DISC1: variants seen among roughly 807,000 people sequenced by gnomAD.
The protein encoded by DISC1 is disrupted in schizophrenia 1 protein.
In DISC1, 57 loss-of-function variants were observed where a neutral mutation model predicts 84.5. That is an observed-to-expected ratio of 0.67 (90% CI 0.55 to 0.84). The LOEUF (loss-of-function observed/expected upper bound fraction) is 0.84, where lower values mean the gene tolerates loss of function less well. Among genes scored for constraint, DISC1 ranks in the 40% least tolerant of loss-of-function variants. The pLI is 0.00. For missense variants in DISC1, 1,000 were observed against 1,057.8 expected (o/e 0.95, Z 0.76); for synonymous variants, 411 against 415.2 (o/e 0.99, Z 0.12).
chr1:231,978,201 C>T (rs747928847), intron 10 of DISC1, among the ~76,000 whole-genome samples: 5 of 152,100 alleles, frequency 3.3e-5, no homozygotes, highest in Admixed American at 6.5e-5. Flanking sequence ...TTGTACCACA[C>T]GGGGAAGCCA....
chr1:231,931,015 CTTCTG>C (rs966397084), intron 9 of DISC1, among the ~76,000 whole-genome samples: 3 of 152,206 alleles, frequency 2.0e-5, no homozygotes, highest in African/African-American at 7.2e-5. Context: ...TGGGCATGTC[CTTCTG>C]TTCTAGTCAT....
In DISC1 at chr1:231,847,240, GT is replaced by G. The variant is rs2083515751; in HGVS notation, c.1981+28724del. 3.3e-5 allele frequency among the ~76,000 whole-genome samples: 5 copies of G among 152,094 alleles called. No individual in the cohort carries two copies. In the South Asian group the frequency reaches 1.0e-3, roughly 32 times the overall value. On this transcript the variant is annotated intron_variant, in intron 9 of 12. Transcript: ENST00000439617. ...TGGCCTTCCCTTTGTGTGTGTCTGT[GT>G]CCTCATCTCCTCTCCTCATAGGGAT...
At chr1:231,691,731 C>A (rs1214166983) in intron 1 of DISC1, among the ~76,000 whole-genome samples, 1 of 152,192 alleles carries the variant, frequency 6.6e-6, no homozygotes, top group African/African-American at 2.4e-5. Flanking sequence ...TTTTCGGATT[C>A]TTTGCTCTCT....
chr1:231,917,393 C>A (rs2089710425), intron 9 of DISC1, among the ~76,000 whole-genome samples: 1 of 152,170 alleles, frequency 6.6e-6, no homozygotes, highest in Non-Finnish European at 1.5e-5. Context: ...TTGCCTTATG[C>A]CTTGAATAAT....
chr1:231,985,740 G>A (rs1171509716), intron 10 of DISC1, among the ~76,000 whole-genome samples: 1 of 152,076 alleles, frequency 6.6e-6, no homozygotes, highest in East Asian at 1.9e-4. Flanking sequence ...AAGTGTTTCT[G>A]TATTTTCACA....
Position 231,787,053 on chromosome 1 carries a change from G to T in DISC1, c.1635-8189G>T, listed in dbSNP as rs910967972. ...AGGCGTTCTTTTGCCTGGATCTAAA[G>T]CAAGTATTGGAAGTATTACTAAGAG... On this transcript the variant is annotated intron_variant, in intron 6 of 12. Transcript: ENST00000439617. 7.2e-5 allele frequency among the ~76,000 whole-genome samples: 11 copies of T among 152,292 alleles called. No individual in the cohort carries two copies. In the South Asian group the frequency reaches 1.2e-3, roughly 17 times the overall value.
intron 3 of DISC1, among the ~76,000 whole-genome samples, chr1:231,716,586 A>T (rs535015880): frequency 5.3e-5 from 8 of 152,192 alleles, no homozygotes; most frequent in Admixed American, 4.6e-4. Flanking sequence ...TTAAGAGTGG[A>T]AGGAAAAAAA....
At chr1:231,841,540 T>C (rs1343653283) in intron 9 of DISC1, among the ~76,000 whole-genome samples, 1 of 152,244 alleles carries the variant, frequency 6.6e-6, no homozygotes, top group African/African-American at 2.4e-5. Context: ...CTTTTACAAA[T>C]GTGCAAATGT....
At chr1:231,702,482 C>T (rs1225136445) in intron 3 of DISC1, 1 of 987,126 alleles carries the variant, frequency 1.0e-6, no homozygotes, top group South Asian at 4.7e-5. Context: ...TTTCCAGAAC[C>T]AGAGATAGGA....
intron 1 of DISC1, among the ~76,000 whole-genome samples, chr1:231,692,839 A>G (rs1293248489): frequency 6.6e-6 from 1 of 152,216 alleles, no homozygotes; most frequent in Non-Finnish European, 1.5e-5. Context: ...GGAAAGCTAT[A>G]GTTTCGGGTC....
intron 9 of DISC1, among the ~76,000 whole-genome samples, chr1:231,857,619 A>C (rs1352334879): frequency 1.3e-5 from 2 of 152,230 alleles, no homozygotes; most frequent in African/African-American, 2.4e-5. Flanking sequence ...TAACACAGGC[A>C]AACAATAACC....
chr1:231,649,267 C>T (rs1022085531), intron 1 of DISC1, among the ~76,000 whole-genome samples: 2 of 152,138 alleles, frequency 1.3e-5, no homozygotes, highest in African/African-American at 4.8e-5. Flanking sequence ...TCTTTGTTCG[C>T]ATTAGTTTCG....
chr1:231,654,359 A>G (rs1216718036), intron 1 of DISC1, among the ~76,000 whole-genome samples: 10 of 151,934 alleles, frequency 6.6e-5, no homozygotes, highest in African/African-American at 2.2e-4. Context: ...AATAATTTAC[A>G]TATTTATGGG....
rs537091476 is a variant in DISC1 at position 231,900,583 on chromosome 1, G to A, written c.1982-58245G>A. Among the ~76,000 whole-genome samples the A allele has an allele frequency of 3.4e-4, 52 of 152,222 alleles. 1 individual carries two copies. Among genetic ancestry groups the A allele is most frequent in the East Asian group, 5.8e-4 (3 of 5,188 alleles). ...TATGGGTTTGTGAACCGTTATATTC[G>A]GTATAAGGCCATATTCTTTTGTTAC... On this transcript the variant is annotated intron_variant, in intron 9 of 12. Transcript: ENST00000439617.
chr1:231,918,725 T>C (rs1420916964), intron 9 of DISC1, among the ~76,000 whole-genome samples: 4 of 152,190 alleles, frequency 2.6e-5, no homozygotes, highest in Admixed American at 2.6e-4. Flanking sequence ...ACTCTTTGCA[T>C]GCTTGCAAGG....
chr1:231,723,165 A>G, intron 3 of DISC1: 2 of 865,158 alleles, frequency 2.3e-6, no homozygotes, highest in South Asian at 9.8e-5. Context: ...CCATATCTGC[A>G]GGTTTTACAC....
In DISC1 at chr1:231,954,906, C is replaced by A. The variant is rs1659153548; in HGVS notation, c.1982-3922C>A. 6.6e-6 allele frequency among the ~76,000 whole-genome samples: 1 copy of A among 152,154 alleles called. No individual in the cohort carries two copies. Among genetic ancestry groups the A allele is most frequent in the Admixed American group, 6.5e-5 (1 of 15,280 alleles). On this transcript the variant is annotated intron_variant, in intron 9 of 12. Transcript: ENST00000439617. This position sits in a 1 kb window ranked among gnomAD's most constrained non-coding sequence, Gnocchi z 4.8. ...GTTGGGTCCAAAGAAAGTAATAGTT[C>A]AACATAGCATTCTCCTTAGATGGCA...
intron 3 of DISC1, among the ~76,000 whole-genome samples, chr1:231,747,610 C>T (rs550764707): frequency 2.0e-5 from 3 of 152,240 alleles, no homozygotes; most frequent in Admixed American, 2.0e-4. Flanking sequence ...AATACTGTTC[C>T]ATCGGTCCGT....
Position 232,037,120 on chromosome 1 carries a change from G to A in DISC1, c.*289G>A. ...ATGTCTTCCACAGGATTTGAGAATA[G>A]TTTCATCTCAGCCCCCATTAGAGAG... is the stretch of plus-strand genomic sequence containing the variant. On this transcript the variant is annotated 3_prime_UTR_variant, in exon 13 of 13. Coordinates refer to ENST00000439617, the MANE Select transcript of DISC1 (RefSeq NM_018662.3). 1 of 222,070 alleles carries A rather than the reference G, an allele frequency of 4.5e-6. No individual in the cohort carries two copies. Among genetic ancestry groups the A allele is most frequent in the Non-Finnish European group, 8.7e-6 (1 of 114,532 alleles). 13.8% of individuals were successfully genotyped at this position (222,070 alleles called of 1,614,324 possible).
Sources: allele counts gnomAD v4.1 joint callset (sites outside exome capture counted in the v4.1 genomes callset), GRCh38; gene constraint gnomAD v4.1.1; non-coding constraint Gnocchi (gnomAD v3.1); transcripts MANE v1.5; gene names NCBI Gene and HGNC (gene_info 2026-07-23, HGNC 2026-07-21).